LMBRD2: variants seen among roughly 807,000 people sequenced by gnomAD.
The protein encoded by LMBRD2 is G protein-coupled receptor-associated protein LMBRD2.
LMBRD2 carries 55 observed loss-of-function variants against 94.4 expected under a neutral mutation model. The observed-to-expected ratio is 0.58, with a 90% CI of 0.47 to 0.73. LMBRD2 has a LOEUF of 0.73. Among genes scored for constraint, LMBRD2 ranks in the 30% least tolerant of loss-of-function variants. LMBRD2 has a pLI of 0.00. For missense variants in LMBRD2, 640 were observed against 831.9 expected (o/e 0.77, Z 2.84); for synonymous variants, 246 against 272.4 (o/e 0.90, Z 0.95).
At position 36,101,469 on chromosome 5, in the gene LMBRD2, T is replaced by G. The variant is rs1331883748; in HGVS notation, c.*2577A>C. The G allele has an allele frequency of 1.3e-5, 2 of 151,960 alleles. No individual in the cohort carries two copies. Among genetic ancestry groups the G allele is most frequent in the Non-Finnish European group, 2.9e-5 (2 of 67,872 alleles). The allele number at this position is 151,960 out of a possible 1,614,324, so 9.4% of individuals were successfully genotyped here. On this transcript the variant is annotated 3_prime_UTR_variant, in exon 18 of 18. Transcript: ENST00000296603. ...AATTCTTTAAGAAATGTACTTTGCA[T>G]GTAAAGTATATGTATTTAGTAGTCC...
intron 10 of LMBRD2, 25 bp from the exon 11 acceptor site, chr5:36,116,618 G>T: frequency 6.2e-7 from 1 of 1,605,032 alleles, no homozygotes; most frequent in South Asian, 1.1e-5. Flanking sequence ...AAACAAAGCA[G>T]TTTGTTTAAA....
At chr5:36,122,783 G>A (rs1183549688) in intron 8 of LMBRD2, 65 bp downstream of exon 8, 1 of 1,507,742 alleles carries the variant, frequency 6.6e-7, no homozygotes, top group Non-Finnish European at 8.8e-7. Context: ...CTTTTTTTAT[G>A]AGCAATGATT....
intron 4 of LMBRD2, among the ~76,000 whole-genome samples, chr5:36,138,077 G>A (rs1177730160): frequency 6.6e-6 from 1 of 152,148 alleles, no homozygotes; most frequent in Non-Finnish European, 1.5e-5. Context: ...GGGTAGACCA[G>A]CAAAAGAGAC....
In LMBRD2 at chr5:36,142,488, A is replaced by T. The variant is rs537956869; in HGVS notation, c.272+14T>A. On this transcript the variant is annotated intron_variant, in intron 3 of 17. Coordinates refer to ENST00000296603, the MANE Select transcript of LMBRD2 (RefSeq NM_001007527.2). ...CCTACAATGTTTATATATTTTTTTT[A>T]AAAAAGGAAATACCTTGGAACAGGG... The T allele has an allele frequency of 3.8e-5, 57 of 1,487,624 alleles. No individual in the cohort carries two copies. In the East Asian group the frequency reaches 7.7e-4, roughly 20 times the overall value. 92.2% of individuals were successfully genotyped at this position (1,487,624 alleles called of 1,614,324 possible).
intron 6 of LMBRD2, among the ~76,000 whole-genome samples, chr5:36,132,387 A>G (rs1468721857): frequency 6.6e-6 from 1 of 152,044 alleles, no homozygotes; most frequent in East Asian, 1.9e-4. Context: ...ACTCTCCAGG[A>G]TATTGGACTG....
intron 6 of LMBRD2, among the ~76,000 whole-genome samples, chr5:36,129,657 A>T (rs1028902429): frequency 6.6e-6 from 1 of 152,190 alleles, no homozygotes; most frequent in African/African-American, 2.4e-5. Context: ...GAGCAATAAA[A>T]ATCATCTGAA....
intron 4 of LMBRD2, among the ~76,000 whole-genome samples, chr5:36,139,474 C>A (rs545777831): frequency 2.6e-5 from 4 of 152,352 alleles, no homozygotes; most frequent in African/African-American, 9.6e-5. Flanking sequence ...GAAGCCCCAC[C>A]TTCAAGCCAG....
intron 13 of LMBRD2, among the ~76,000 whole-genome samples, chr5:36,112,908 T>C (rs1183243487): frequency 6.6e-6 from 1 of 152,204 alleles, no homozygotes; most frequent in African/African-American, 2.4e-5. Flanking sequence ...GCACACAAAG[T>C]ATGACTAGTC....
chr5:36,104,928 G>T (rs1469188490), intron 17 of LMBRD2, 140 bp downstream of exon 17: 4 of 741,510 alleles, frequency 5.4e-6, no homozygotes, highest in East Asian at 5.5e-5. Flanking sequence ...ATTTTTTATT[G>T]TTAGTGAAAA....
At chr5:36,131,258 T>C (rs1744144706) in intron 6 of LMBRD2, among the ~76,000 whole-genome samples, 1 of 152,118 alleles carries the variant, frequency 6.6e-6, no homozygotes, top group African/African-American at 2.4e-5. Flanking sequence ...CTATTGATGC[T>C]GAGAAAGCAT....
Position 36,104,017 on chromosome 5 carries a change from G to A in LMBRD2, c.*29C>T, listed in dbSNP as rs755327577. The A allele has an allele frequency of 2.5e-5, 39 of 1,555,446 alleles. 1 individual carries two copies. The highest frequency in any genetic ancestry group is 5.0e-5 in the Admixed American group (3 of 59,490). ...AGACTGAACTGATGTGTTGACCTTGGTTAGTGGTCCCACAAACTTTTTCAG... is the reference window on the plus strand; with the variant it reads ...AGACTGAACTGATGTGTTGACCTTGATTAGTGGTCCCACAAACTTTTTCAG... On this transcript the variant is annotated 3_prime_UTR_variant, in exon 18 of 18. Transcript: ENST00000296603.
rs1743326086 is a variant in LMBRD2 at position 36,100,525 on chromosome 5, C to T, written c.*3521G>A. 1 of 151,756 alleles carries T rather than the reference C, an allele frequency of 6.6e-6. No individual in the cohort carries two copies. Among genetic ancestry groups the T allele is most frequent in the Non-Finnish European group, 1.5e-5 (1 of 67,924 alleles). 9.4% of individuals were successfully genotyped at this position (151,756 alleles called of 1,614,324 possible). A position where few individuals can be genotyped will look rare whatever the true frequency, so the allele number is the denominator to read the frequency against. ...TAAAAGTCATGCTATAAACATAGGC[C>T]TCAGAAAGGAAGAAAGGTATAAAGG... On this transcript the variant is annotated 3_prime_UTR_variant, in exon 18 of 18. Coordinates refer to ENST00000296603, the MANE Select transcript of LMBRD2 (RefSeq NM_001007527.2).
At chr5:36,124,357 C>G (rs1743955652) in intron 6 of LMBRD2, 92 bp from the exon 7 acceptor site, 2 of 665,924 alleles carry the variant, frequency 3.0e-6, no homozygotes, top group African/African-American at 1.9e-5. Flanking sequence ...TATTTTCTCA[C>G]AAGTTCAACT....
chr5:36,129,349 C>T (rs1744080093), intron 6 of LMBRD2, among the ~76,000 whole-genome samples: 1 of 151,840 alleles, frequency 6.6e-6, no homozygotes, highest in Admixed American at 6.6e-5. Flanking sequence ...AAGAAAGGAT[C>T]CTAAAAGCAG....
At chr5:36,123,103 T>C in intron 7 of LMBRD2, 142 bp from the exon 8 acceptor site, 2 of 842,402 alleles carry the variant, frequency 2.4e-6, no homozygotes, top group Non-Finnish European at 3.3e-6. Context: ...CTAGTTAGAC[T>C]TCATTTGCTG....
At chr5:36,137,090 G>T (rs529626831) in intron 5 of LMBRD2, among the ~76,000 whole-genome samples, 184 bp downstream of exon 5, 1 of 152,126 alleles carries the variant, frequency 6.6e-6, no homozygotes, top group African/African-American at 2.4e-5. Flanking sequence ...TATATTTAAA[G>T]ATGTCATTCC....
intron 1 of LMBRD2, among the ~76,000 whole-genome samples, chr5:36,146,791 A>G (rs1417902937): frequency 6.6e-6 from 1 of 152,154 alleles, no homozygotes; most frequent in Admixed American, 6.5e-5. Flanking sequence ...GTGGCTCTGT[A>G]TATGTTTTTA....
At chr5:36,128,438 A>G (rs1744058809) in intron 6 of LMBRD2, among the ~76,000 whole-genome samples, 1 of 152,164 alleles carries the variant, frequency 6.6e-6, no homozygotes, top group Non-Finnish European at 1.5e-5. Context: ...ATAAGGCACC[A>G]GGGCCAAGTA....
In LMBRD2 at chr5:36,142,249, T is replaced by TA. The variant is rs1174803741; in HGVS notation, c.272+252dup. Among the ~76,000 whole-genome samples, 7 of 152,152 alleles carry TA rather than the reference T, an allele frequency of 4.6e-5. No homozygotes were observed. The East Asian group carries it at 7.7e-4, about 17-fold the overall frequency. ...ATACTTGGTAAAGAAGAACCAGGAC[T>TA]AAAAAATCAGGACTTCTTCAAGTTT... On this transcript the variant is annotated intron_variant, in intron 3 of 17. Coordinates refer to ENST00000296603, the MANE Select transcript of LMBRD2 (RefSeq NM_001007527.2).
Sources: allele counts gnomAD v4.1 joint callset (sites outside exome capture counted in the v4.1 genomes callset), GRCh38; gene constraint gnomAD v4.1.1; transcripts MANE v1.5; gene names NCBI Gene and HGNC (gene_info 2026-07-23, HGNC 2026-07-21).